The following ABCA9 variants were observed in gnomAD, a reference collection of about 807,000 sequenced individuals.
ABCA9 encodes ATP binding cassette subfamily A member 9.
In ABCA9, 183 loss-of-function variants were observed where a neutral mutation model predicts 205.3. The ratio of observed to expected loss-of-function variants is 0.89; its 90% CI spans 0.79 to 1.01. The LOEUF is 1.01. Among genes scored for constraint, ABCA9 ranks in the 50% least tolerant of loss-of-function variants. The probability of loss-of-function intolerance (pLI) is 0.00; values close to 1 mark genes in which losing one functional copy is unlikely to be tolerated. For synonymous variants in ABCA9, 651 were observed against 683.3 expected (o/e 0.95, Z 0.74); for missense variants, 1,805 against 1,912.4 (o/e 0.94, Z 1.05).
Position 68,976,112 on chromosome 17 carries a change from T to C in ABCA9, c.4776+23A>G, listed in dbSNP as rs769683893. ...ATACATGTATATTCCATGGATGATA[T>C]AGAATCACTAAAAATGACCCACCTG... On this transcript the variant is annotated intron_variant, in intron 38 of 38. Coordinates refer to ENST00000340001, the MANE Select transcript of ABCA9 (RefSeq NM_080283.4). 1.2e-5 allele frequency: 20 copies of C among 1,611,344 alleles called. No individual in the cohort carries two copies. In the Admixed American group the frequency reaches 1.7e-4, roughly 13 times the overall value.
At chr17:68,988,053 C>T (rs551740192) in intron 31 of ABCA9, among the ~76,000 whole-genome samples, 32 of 152,220 alleles carry the variant, frequency 2.1e-4, no homozygotes, top group East Asian at 9.7e-4. Context: ...CAGGAGCCAC[C>T]GTGCCCGGAC....
intron 32 of ABCA9, among the ~76,000 whole-genome samples, chr17:68,985,915 G>A (rs1294846220): frequency 6.6e-6 from 1 of 151,982 alleles, no homozygotes; most frequent in Non-Finnish European, 1.5e-5. Flanking sequence ...ACTCCAGCCT[G>A]GGCGGCAGAG....
chr17:69,013,651 G>C (rs1046920766), intron 22 of ABCA9, among the ~76,000 whole-genome samples: 4 of 152,108 alleles, frequency 2.6e-5, no homozygotes, highest in Non-Finnish European at 5.9e-5. Flanking sequence ...GTCAGAGTTT[G>C]ATGTGACTCA....
At chr17:68,990,286 A>G (rs930616235) in intron 29 of ABCA9, among the ~76,000 whole-genome samples, 1 of 152,216 alleles carries the variant, frequency 6.6e-6, no homozygotes, top group Non-Finnish European at 1.5e-5. Flanking sequence ...ATAAAACACA[A>G]AATCTTACTT....
the ABCA9 span, among the ~76,000 whole-genome samples, chr17:69,073,785 C>T: frequency 6.6e-6 from 1 of 152,152 alleles, no homozygotes; most frequent in Non-Finnish European, 1.5e-5. Context: ...CAGCCTTAAA[C>T]TCCTGGGCTT....
At chr17:69,072,270 G>A in the ABCA9 span, among the ~76,000 whole-genome samples, 1 of 152,132 alleles carries the variant, frequency 6.6e-6, no homozygotes, top group East Asian at 1.9e-4. Context: ...TCTTCGAGAA[G>A]AGCAACCCCA....
upstream of ABCA9, among the ~76,000 whole-genome samples, chr17:69,065,084 T>C (rs1358668480): frequency 6.6e-6 from 1 of 152,222 alleles, no homozygotes; most frequent in Non-Finnish European, 1.5e-5. Context: ...TGAAGACATC[T>C]TAGGGTTTTC....
Position 68,985,068 on chromosome 17 carries a change from C to A in ABCA9, c.4269G>T (p.Glu1423Asp). 1 of 1,614,210 alleles carries A rather than the reference C, an allele frequency of 6.2e-7. No homozygotes were observed. The highest frequency in any genetic ancestry group is 8.5e-7 in the Non-Finnish European group (1 of 1,180,044). ...QLKAPVKTLSEGIKRKLCFVL... is the reference protein window; with the variant it reads ...QLKAPVKTLSDGIKRKLCFVL... ...CTGCCCGTACCTTTCGCTTTATTCC[C>A]TCTGACAAGGTCTTCACGGGAGCCT... The change falls in exon 33 of 39, where the codon GAG becomes GAT. Residue 1423 changes from glutamate to aspartate, a missense_variant. Transcript: ENST00000340001.
At chr17:69,045,148 AT>A (rs755590339) in intron 4 of ABCA9, 23 bp downstream of exon 4, 7 of 1,605,586 alleles carry the variant, frequency 4.4e-6, no homozygotes, top group African/African-American at 2.7e-5. Flanking sequence ...AGCAAAAAAA[AT>A]TTTTTTCTTC....
At chr17:68,992,365 T>G (rs2069480398) in intron 27 of ABCA9, 99 bp from the exon 28 acceptor site, 3 of 748,478 alleles carry the variant, frequency 4.0e-6, no homozygotes, top group Non-Finnish European at 6.2e-6. Flanking sequence ...AAAAATTCGA[T>G]TTGATAGCAT....
At chr17:69,043,956 C>T (rs1013749275) in intron 5 of ABCA9, among the ~76,000 whole-genome samples, 10 of 152,330 alleles carry the variant, frequency 6.6e-5, no homozygotes, top group African/African-American at 2.2e-4. Context: ...TGAAATGTCA[C>T]TTCAATTAGC....
At chr17:69,050,915 G>T in intron 2 of ABCA9, 116 bp downstream of exon 2, 1 of 824,860 alleles carries the variant, frequency 1.2e-6, no homozygotes, top group Non-Finnish European at 1.7e-6. Context: ...AATCTAGCTT[G>T]TTAATTAGAC....
chr17:69,004,720 GC>G (rs1391148826), intron 25 of ABCA9: 2 of 165,560 alleles, frequency 1.2e-5, no homozygotes, highest in African/African-American at 4.8e-5. Flanking sequence ...CCTCGCTGCC[GC>G]CTTGCAGTTT....
At chr17:69,001,144 G>A (rs1252571280) in intron 25 of ABCA9, among the ~76,000 whole-genome samples, 12 of 151,206 alleles carry the variant, frequency 7.9e-5, no homozygotes, top group Non-Finnish European at 1.8e-4. Flanking sequence ...TGGCCAGAAC[G>A]TCTAACACTA....
Position 68,995,489 on chromosome 17 carries a change from C to T in ABCA9, c.3555+406G>A, listed in dbSNP as rs144603304. Reference sequence around the variant, plus strand: ...ATACCATTTATAAACTGATCAATCTCAAATATCTAGCTTTAACCCCCATCT... The same window carrying T: ...ATACCATTTATAAACTGATCAATCTTAAATATCTAGCTTTAACCCCCATCT... On this transcript the variant is annotated intron_variant, in intron 26 of 38. Transcript: ENST00000340001. 3.7e-3 allele frequency among the ~76,000 whole-genome samples: 561 copies of T among 152,284 alleles called. 3 individuals are homozygous for T. The highest frequency in any genetic ancestry group is 0.012 in the African/African-American group (497 of 41,552).
At chr17:69,041,257 C>T (rs562638392) in intron 6 of ABCA9, among the ~76,000 whole-genome samples, 50 of 152,206 alleles carry the variant, frequency 3.3e-4, no homozygotes, top group African/African-American at 1.2e-3. Context: ...ATTCTATAAA[C>T]TCTCCTTAGT....
In ABCA9 at chr17:68,992,211, C is replaced by T. The variant is rs2069474812; in HGVS notation, c.3680G>A (p.Cys1227Tyr). 1 of 1,600,424 alleles carries T rather than the reference C, an allele frequency of 6.2e-7. No homozygotes were observed. Among genetic ancestry groups the T allele is most frequent in the Non-Finnish European group, 8.5e-7 (1 of 1,173,278 alleles). ...LFILRCLEMN[C>Y]RKKLMRKDPV... ...ATCCTTTCTCATTAGTTTCTTCCTG[C>T]AGTTCATTTCTAGGCATCGCAGAAT... The change falls in exon 28 of 39, where the codon TGC (cysteine) becomes TAC (tyrosine). Residue 1227 changes from cysteine (C) to tyrosine (Y), a missense_variant. Cys to Tyr is a radical substitution (Grantham distance 194). Transcript: ENST00000340001.
chr17:69,068,366 G>C, the ABCA9 span, among the ~76,000 whole-genome samples: 10 of 152,162 alleles, frequency 6.6e-5, no homozygotes, highest in East Asian at 1.5e-3. Context: ...GATTTTGTAA[G>C]ATAATAGCAA....
chr17:69,031,485 T>A (rs945458978), intron 10 of ABCA9, among the ~76,000 whole-genome samples: 2 of 152,218 alleles, frequency 1.3e-5, no homozygotes, highest in African/African-American at 4.8e-5. Flanking sequence ...GAATACAACA[T>A]TGAATGATGA....
Sources: allele counts gnomAD v4.1 joint callset (sites outside exome capture counted in the v4.1 genomes callset), GRCh38; gene constraint gnomAD v4.1.1; transcripts MANE v1.5; gene names NCBI Gene and HGNC (gene_info 2026-07-23, HGNC 2026-07-21).